Variants in JAZF1 observed in about 807,000 individuals in gnomAD.
The protein encoded by JAZF1 is juxtaposed with another zinc finger protein 1.
In JAZF1, 8 loss-of-function variants were observed where a neutral mutation model predicts 26.4. The ratio of observed to expected loss-of-function variants is 0.30; its 90% CI spans 0.18 to 0.55. JAZF1 has a LOEUF of 0.55. Ranked by LOEUF, JAZF1 falls within the 20% of genes least tolerant of loss-of-function variation. The probability of loss-of-function intolerance (pLI) is 0.94; values close to 1 mark genes in which losing one functional copy is unlikely to be tolerated. For synonymous variants in JAZF1, 126 were observed against 122.3 expected, an observed-to-expected ratio of 1.03 and a Z score of -0.20; for missense variants, 199 against 322.0, an observed-to-expected ratio of 0.62 and a Z score of 2.92.
intron 2 of JAZF1, among the ~76,000 whole-genome samples, chr7:27,915,526 T>G (rs1416977534): frequency 6.6e-6 from 1 of 152,250 alleles, no homozygotes; most frequent in Non-Finnish European, 1.5e-5. Context: ...CAATATGGTA[T>G]TGCTGTAGAG....
chr7:28,151,156 T>A (rs1484283579), intron 1 of JAZF1, among the ~76,000 whole-genome samples: 1 of 151,448 alleles, frequency 6.6e-6, no homozygotes, highest in Non-Finnish European at 1.5e-5. Context: ...CAGGCTGGAG[T>A]GCAGTGGTGC....
At chr7:28,074,358 T>C (rs1215287002) in intron 1 of JAZF1, among the ~76,000 whole-genome samples, 3 of 152,174 alleles carry the variant, frequency 2.0e-5, no homozygotes, top group Non-Finnish European at 4.4e-5. Flanking sequence ...GATTTTAATA[T>C]TATGCACAAC....
intron 2 of JAZF1, among the ~76,000 whole-genome samples, chr7:27,959,576 C>T (rs2057671): frequency 0.1 from 15,152 of 152,188 alleles, 807 homozygotes; most frequent in South Asian, 0.14. Flanking sequence ...AACCATTCTC[C>T]ATACAGAGCA....
intron 1 of JAZF1, among the ~76,000 whole-genome samples, chr7:28,039,876 A>G (rs1449195020): frequency 6.6e-6 from 1 of 152,190 alleles, no homozygotes; most frequent in Non-Finnish European, 1.5e-5. Context: ...AATTCACTAT[A>G]CTTGTCAGTT....
intron 1 of JAZF1, among the ~76,000 whole-genome samples, chr7:28,138,439 A>G (rs1490955315): frequency 6.6e-6 from 1 of 152,238 alleles, no homozygotes; most frequent in Non-Finnish European, 1.5e-5. Flanking sequence ...TGCTATGACT[A>G]TTTCAACAGT....
rs1007579096 is a variant in JAZF1 at position 27,895,185 on chromosome 7, C to T, written c.385+35G>A. ...CACACACTTTCTCTTTCTCCCCTCTCCTCCTTCTCAAGGCGGTAGGGCCAG... is the reference window on the plus strand; with the variant it reads ...CACACACTTTCTCTTTCTCCCCTCTTCTCCTTCTCAAGGCGGTAGGGCCAG... On this transcript the variant is annotated intron_variant, in intron 3 of 4. Coordinates refer to ENST00000283928, the MANE Select transcript of JAZF1 (RefSeq NM_175061.4). The T allele has an allele frequency of 2.1e-6, 3 of 1,429,276 alleles. No homozygotes were observed. In the African/African-American group the frequency reaches 4.3e-5, roughly 20 times the overall value. 88.5% of individuals were successfully genotyped at this position (1,429,276 alleles called of 1,614,324 possible).
At chr7:28,095,033 C>T (rs1410318609) in intron 1 of JAZF1, among the ~76,000 whole-genome samples, 1 of 152,092 alleles carries the variant, frequency 6.6e-6, no homozygotes, top group Non-Finnish European at 1.5e-5. Context: ...CCACATGTAC[C>T]CCAAGGGTGT....
At chr7:27,978,522 CT>C (rs1663487282) in intron 2 of JAZF1, among the ~76,000 whole-genome samples, 1 of 152,142 alleles carries the variant, frequency 6.6e-6, no homozygotes, top group South Asian at 2.1e-4. Context: ...AGTATTCTGC[CT>C]TTTGTATCAG....
intron 2 of JAZF1, among the ~76,000 whole-genome samples, chr7:27,990,432 A>T (rs979575114): frequency 5.0e-5 from 4 of 79,764 alleles, no homozygotes; most frequent in African/African-American, 1.1e-4. Context: ...TTAAAGTATA[A>T]AAAAAAAAAA....
rs533227865 is a variant in JAZF1 at position 28,042,393 on chromosome 7, G to C, written c.116-50412C>G. Among the ~76,000 whole-genome samples, 3 of 152,334 alleles carry C rather than the reference G, an allele frequency of 2.0e-5. No individual in the cohort carries two copies. In the South Asian group the frequency reaches 6.2e-4, roughly 32 times the overall value. ...TCTGAGTCTGAGGGGGAGCTGGGGG[G>C]AGTTGGGTTCCTGACATGATCAAGT... On this transcript the variant is annotated intron_variant, in intron 1 of 4. Coordinates refer to ENST00000283928, the MANE Select transcript of JAZF1 (RefSeq NM_175061.4).
In JAZF1 at chr7:27,934,437, C is replaced by T. The variant is rs142879181; in HGVS notation, c.189-39021G>A. On this transcript the variant is annotated intron_variant, in intron 2 of 4. Transcript: ENST00000283928. ...ATAAAAACTAAATGAAGGTTGAAAA[C>T]CAGTGAGGATTTTTCATTTTACCAT... Among the ~76,000 whole-genome samples, 78 of 151,374 alleles carry T rather than the reference C, an allele frequency of 5.2e-4. 2 individuals are homozygous for T. In the East Asian group the frequency reaches 0.014, roughly 27 times the overall value.
At position 27,832,813 on chromosome 7, in the gene JAZF1, T is replaced by C; in HGVS notation, c.719A>G (p.Lys240Arg). Residue 240 changes from lysine (K) to arginine (R), a missense_variant, in exon 5 of 5, where the codon AAG becomes AGG. This residue lies in a region of JAZF1 where 62 missense variants were observed against 137.2 expected (regional missense o/e 0.45). Coordinates refer to ENST00000283928, the MANE Select transcript of JAZF1 (RefSeq NM_175061.4). The stretch of plus-strand genomic sequence containing the variant: ...ATGACCAGCATGTTATTGCTGCATC[T>C]TCCTGATAATCTCAGCCGACACCGG... Reference protein sequence around the residue: ...HPPVSAEIIRKMQQ With the variant: ...HPPVSAEIIRRMQQ 1.3e-6 allele frequency: 2 copies of C among 1,593,606 alleles called. No individual in the cohort carries two copies. Among genetic ancestry groups the C allele is most frequent in the Non-Finnish European group, 1.7e-6 (2 of 1,168,334 alleles).
At chr7:27,883,135 T>C in intron 3 of JAZF1, among the ~76,000 whole-genome samples, 1 of 152,162 alleles carries the variant, frequency 6.6e-6, no homozygotes, top group South Asian at 2.1e-4. Context: ...AAAGATGGCA[T>C]TCTTTCTTGG....
At chr7:27,975,542 C>A (rs1164152265) in intron 2 of JAZF1, among the ~76,000 whole-genome samples, 1 of 152,084 alleles carries the variant, frequency 6.6e-6, no homozygotes, top group Non-Finnish European at 1.5e-5. Flanking sequence ...AACAGTGGAG[C>A]CTCTGGTCAA....
intron 1 of JAZF1, among the ~76,000 whole-genome samples, chr7:28,155,048 A>C (rs1214697151): frequency 8.3e-4 from 126 of 152,284 alleles, no homozygotes; most frequent in Non-Finnish European, 1.6e-4. Flanking sequence ...CGGTTTACTA[A>C]ATTTGGTTGC....
intron 1 of JAZF1, among the ~76,000 whole-genome samples, chr7:28,052,830 T>C (rs1783637548): frequency 6.6e-6 from 1 of 151,276 alleles, no homozygotes; most frequent in Non-Finnish European, 1.5e-5. Flanking sequence ...TTTTTTTTTT[T>C]CTGATTGTGG....
chr7:28,040,521 G>A (rs1783371405), intron 1 of JAZF1, among the ~76,000 whole-genome samples: 1 of 152,234 alleles, frequency 6.6e-6, no homozygotes, highest in African/African-American at 2.4e-5. Flanking sequence ...ACAAAGTCTG[G>A]GGGTAAACAT....
chr7:28,051,013 T>C (rs1178708050), intron 1 of JAZF1, among the ~76,000 whole-genome samples: 1 of 150,678 alleles, frequency 6.6e-6, no homozygotes, highest in Non-Finnish European at 1.5e-5. Flanking sequence ...GCACCTGTAA[T>C]CCCAGTTACC....
intron 2 of JAZF1, among the ~76,000 whole-genome samples, chr7:27,927,242 C>T (rs902442146): frequency 6.6e-6 from 1 of 152,198 alleles, no homozygotes; most frequent in Non-Finnish European, 1.5e-5. Flanking sequence ...AGCTGGGAGT[C>T]CCCTGTGGAG....
Sources: gnomAD v4.1 joint callset for allele counts (sites outside exome capture counted in the v4.1 genomes callset) on GRCh38, gnomAD v4.1.1 for gene constraint, gnomAD v4.1.1 regional missense constraint, MANE v1.5 for transcripts, NCBI Gene and HGNC (gene_info 2026-07-23, HGNC 2026-07-21) for gene names.